Variants in PCCB observed in about 807,000 individuals in gnomAD.
PCCB encodes propionyl-CoA carboxylase beta chain, mitochondrial.
A neutral mutation model predicts 60.7 loss-of-function variants in PCCB; 43 were observed. That is an observed-to-expected ratio of 0.71 (90% CI 0.55 to 0.91). PCCB has a LOEUF of 0.91. Among genes scored for constraint, PCCB ranks in the 40% least tolerant of loss-of-function variants. The pLI, the probability that PCCB is intolerant of heterozygous loss-of-function variation, is 0.00. For missense variants in PCCB, 766 were observed against 702.8 expected (o/e 1.09, Z -1.02); for synonymous variants, 276 against 255.9 (o/e 1.08, Z -0.75).
intron 3 of PCCB, 153 bp from the exon 4 acceptor site, chr3:136,260,326 C>T (rs1410289155): frequency 1.4e-6 from 1 of 708,872 alleles, no homozygotes; most frequent in Non-Finnish European, 2.5e-6. Context: ...CATCCACCTG[C>T]CTTGGCCTCC....
At chr3:136,290,062 C>G (rs1933602932) in intron 6 of PCCB, among the ~76,000 whole-genome samples, 2 of 152,138 alleles carry the variant, frequency 1.3e-5, no homozygotes, top group African/African-American at 4.8e-5. Context: ...ATTTTTGCTA[C>G]TATTAATTTG....
chr3:136,311,577 C>T (rs889861714), intron 9 of PCCB, among the ~76,000 whole-genome samples: 7 of 152,024 alleles, frequency 4.6e-5, no homozygotes, highest in African/African-American at 1.7e-4. Flanking sequence ...TGGGCTCAAG[C>T]GATCCTTCTG....
Position 136,283,834 on chromosome 3 carries a change from C to G in PCCB, c.544-3C>G. 3.1e-6 allele frequency: 5 copies of G among 1,599,998 alleles called. No homozygotes were observed. Among genetic ancestry groups the G allele is most frequent in the Non-Finnish European group, 4.3e-6 (5 of 1,167,228 alleles). ...AGATGCTTTTGCTTTTCTGTTTTGG[C>G]AGAGGAATGTTACGGCATCCGGAGT... On this transcript the variant is annotated splice_polypyrimidine_tract_variant and splice_region_variant and intron_variant, in intron 5 of 14. Transcript: ENST00000251654.
chr3:136,277,592 G>T (rs1272616024), intron 5 of PCCB, among the ~76,000 whole-genome samples: 1 of 152,024 alleles, frequency 6.6e-6, no homozygotes, highest in African/African-American at 2.4e-5. Context: ...GGAAAGCCGT[G>T]GCTCCTATGA....
At chr3:136,324,110 A>ATTGT (rs1428392615) in intron 10 of PCCB, among the ~76,000 whole-genome samples, 1 of 149,190 alleles carries the variant, frequency 6.7e-6, no homozygotes, top group Non-Finnish European at 1.5e-5. Flanking sequence ...GTTTCTTCTT[A>ATTGT]TTGTTTCTTT....
chr3:136,308,775 T>G (rs1384308339), intron 9 of PCCB, among the ~76,000 whole-genome samples: 3 of 152,028 alleles, frequency 2.0e-5, no homozygotes, highest in Non-Finnish European at 4.4e-5. Flanking sequence ...TTGTAGCAAC[T>G]AAAACAAAAG....
intron 8 of PCCB, 145 bp downstream of exon 8, chr3:136,298,217 G>A: frequency 1.0e-6 from 1 of 953,682 alleles, no homozygotes; most frequent in Non-Finnish European, 1.7e-6. Flanking sequence ...ATGATGTCAT[G>A]TTTGGCTATA....
chr3:136,318,460 C>T (rs1168454443), intron 10 of PCCB, among the ~76,000 whole-genome samples: 1 of 152,188 alleles, frequency 6.6e-6, no homozygotes, highest in Non-Finnish European at 1.5e-5. Context: ...AGTGCAACCG[C>T]AGTGATTACA....
chr3:136,325,213 C>T (rs1246279327), intron 10 of PCCB, among the ~76,000 whole-genome samples: 2 of 151,678 alleles, frequency 1.3e-5, no homozygotes, highest in Non-Finnish European at 2.9e-5. Context: ...CTTTTAGAGA[C>T]AGAGTGTCAC....
chr3:136,264,440 G>GTGTGTGTATATATATA, intron 5 of PCCB, among the ~76,000 whole-genome samples: 4 of 123,854 alleles, frequency 3.2e-5, no homozygotes, highest in African/African-American at 1.2e-4. Context: ...ATGTGTGTGT[G>GTGTGTGTATATATATA]TATATATGTA....
intron 6 of PCCB, among the ~76,000 whole-genome samples, chr3:136,284,826 G>A (rs115626377): frequency 0.013 from 2,002 of 152,204 alleles, 41 homozygotes; most frequent in African/African-American, 0.046. Flanking sequence ...AGTGTCTCAC[G>A]CCTGTAATCC....
At chr3:136,313,836 G>T (rs1176252619) in intron 9 of PCCB, among the ~76,000 whole-genome samples, 1 of 152,110 alleles carries the variant, frequency 6.6e-6, no homozygotes, top group African/African-American at 2.4e-5. Context: ...CATTTTCTCT[G>T]TATTTGAGGA....
At chr3:136,299,081 A>G (rs1331808242) in intron 8 of PCCB, among the ~76,000 whole-genome samples, 3 of 152,006 alleles carry the variant, frequency 2.0e-5, no homozygotes, top group African/African-American at 7.3e-5. Context: ...GGAGTTCCTG[A>G]AGGGTTTAGG....
chr3:136,324,304 G>A (rs1576358135), intron 10 of PCCB, among the ~76,000 whole-genome samples: 1 of 152,088 alleles, frequency 6.6e-6, no homozygotes, highest in Non-Finnish European at 1.5e-5. Flanking sequence ...CTAAAACCAA[G>A]AAACAACAAA....
intron 7 of PCCB, among the ~76,000 whole-genome samples, chr3:136,296,076 C>G (rs1329270228): frequency 6.6e-6 from 1 of 152,064 alleles, no homozygotes; most frequent in African/African-American, 2.4e-5. Flanking sequence ...TTTCTTTTTT[C>G]TTTTGTGGTA....
intron 9 of PCCB, among the ~76,000 whole-genome samples, chr3:136,314,967 A>T (rs1015610435): frequency 6.6e-6 from 1 of 152,178 alleles, no homozygotes; most frequent in Admixed American, 6.5e-5. Context: ...CTTCTGTGGT[A>T]CTCCTGTGGA....
Position 136,307,287 on chromosome 3 carries a change from G to A in PCCB, c.966+6176G>A, listed in dbSNP as rs950392134. On this transcript the variant is annotated intron_variant, in intron 9 of 14. Coordinates refer to ENST00000251654, the MANE Select transcript of PCCB (RefSeq NM_000532.5). Reference sequence around the variant, plus strand: ...AGAAATTTCAACAAAAGGATTGGTAGTGATTATCTAATATACTTAATTATA... The same window carrying A: ...AGAAATTTCAACAAAAGGATTGGTAATGATTATCTAATATACTTAATTATA... Among the ~76,000 whole-genome samples the A allele has an allele frequency of 8.8e-5, 6 of 68,154 alleles. 1 individual carries two copies. The highest frequency in any genetic ancestry group is 1.2e-4 in the Non-Finnish European group (3 of 24,316). The allele number at this position is 68,154 out of a possible 152,430, so 44.7% of individuals were successfully genotyped here.
rs562565620 is a variant in PCCB, at chr3:136,315,265, C to T, written c.967-1676C>T. Among the ~76,000 whole-genome samples the T allele has an allele frequency of 9.2e-5, 14 of 152,298 alleles. 1 individual carries two copies. The South Asian group carries it at 1.4e-3, about 16-fold the overall frequency. On this transcript the variant is annotated intron_variant, in intron 9 of 14. Coordinates refer to ENST00000251654, the MANE Select transcript of PCCB (RefSeq NM_000532.5). ...TATAATAAGAAATAGTGGCCGGGCG[C>T]GGTGGCTCACGCCTGTAATCCCAGC...
intron 9 of PCCB, among the ~76,000 whole-genome samples, chr3:136,313,291 C>A (rs1204416664): frequency 6.6e-6 from 1 of 152,200 alleles, no homozygotes; most frequent in East Asian, 1.9e-4. Context: ...TTTGTAATTG[C>A]GAGATACTCT....
Sources: gnomAD v4.1 joint callset for allele counts (sites outside exome capture counted in the v4.1 genomes callset) on GRCh38, gnomAD v4.1.1 for gene constraint, MANE v1.5 for transcripts, NCBI Gene and HGNC (gene_info 2026-07-23, HGNC 2026-07-21) for gene names.